SRGAP3: variants seen among roughly 807,000 people sequenced by gnomAD.
SRGAP3 encodes SLIT-ROBO Rho GTPase activating protein 3.
In SRGAP3, 39 loss-of-function variants were observed where a neutral mutation model predicts 121.1. The observed-to-expected ratio is 0.32, with a 90% CI of 0.25 to 0.42. SRGAP3 has a LOEUF of 0.42. Among genes scored for constraint, SRGAP3 ranks in the 10% least tolerant of loss-of-function variants. SRGAP3 has a pLI of 1.00. For synonymous variants in SRGAP3, 601 were observed against 570.0 expected (o/e 1.05, Z -0.77); for missense variants, 1,213 against 1,470.6 (o/e 0.82, Z 2.86).
chr3:9,177,538 C>T (rs1480165564), intron 1 of SRGAP3, among the ~76,000 whole-genome samples: 2 of 152,022 alleles, frequency 1.3e-5, no homozygotes, highest in East Asian at 1.9e-4. Flanking sequence ...GAAGGAGGTC[C>T]GTGGCTTTCA....
chr3:9,222,629 T>C (rs1228653215), intron 1 of SRGAP3, among the ~76,000 whole-genome samples: 1 of 152,244 alleles, frequency 6.6e-6, no homozygotes, highest in Non-Finnish European at 1.5e-5. Flanking sequence ...ATCTTCTTTT[T>C]AGCATCTTCT....
intron 1 of SRGAP3, among the ~76,000 whole-genome samples, chr3:9,184,189 T>C (rs1951523909): frequency 1.3e-5 from 2 of 152,138 alleles, no homozygotes; most frequent in Admixed American, 6.6e-5. Flanking sequence ...TTAATTAATA[T>C]TGGGCAAGGT....
intron 1 of SRGAP3, among the ~76,000 whole-genome samples, chr3:9,158,572 T>C (rs1268286618): frequency 6.6e-6 from 1 of 152,144 alleles, no homozygotes; most frequent in East Asian, 1.9e-4. Flanking sequence ...AGGTGGGAAA[T>C]TATCCCATAT....
At chr3:9,245,941 A>G (rs1270460546) in intron 1 of SRGAP3, among the ~76,000 whole-genome samples, 1 of 152,134 alleles carries the variant, frequency 6.6e-6, no homozygotes, top group Non-Finnish European at 1.5e-5. Flanking sequence ...AAAAGAAAAA[A>G]TGCTTACAAG....
chr3:9,362,543 G>A lies in SRGAP3; in HGVS notation n.214+297C>T, dbSNP rs147668378. 3.1e-3 allele frequency among the ~76,000 whole-genome samples: 477 copies of A among 152,030 alleles called. 6 individuals carry two copies. The highest frequency in any genetic ancestry group is 0.011 in the African/African-American group (464 of 41,538). ...GCCTGTAATCCCAGCACTTTAGGAG[G>A]GCTAGACAGAAGAATCACTTGAACC... On this transcript the variant is annotated intron_variant and non_coding_transcript_variant, in intron 1 of 3. Transcript: ENST00000490889.
At chr3:9,293,008 T>TG (rs1224240875) in intron 3 of SRGAP3, 4 of 135,890 alleles carry the variant, frequency 2.9e-5, no homozygotes, top group African/African-American at 8.5e-5. Context: ...ATTTAGCAGC[T>TG]GAAAAAAAAA....
At chr3:9,126,737 TAC>T (rs1439333737) in intron 1 of SRGAP3, among the ~76,000 whole-genome samples, 2 of 151,420 alleles carry the variant, frequency 1.3e-5, no homozygotes. Context: ...CACTTGGATG[TAC>T]AGTGTGGAAT....
At chr3:9,348,105 T>C (rs938484975) in intron 1 of SRGAP3, among the ~76,000 whole-genome samples, 1 of 152,200 alleles carries the variant, frequency 6.6e-6, no homozygotes, top group Non-Finnish European at 1.5e-5. Context: ...AGCACCAAAA[T>C]TGGGTTCACC....
At chr3:9,245,914 ACT>A (rs1193217962) in intron 1 of SRGAP3, among the ~76,000 whole-genome samples, 2 of 152,020 alleles carry the variant, frequency 1.3e-5, no homozygotes, top group East Asian at 3.9e-4. Flanking sequence ...ACACAGAGAG[ACT>A]CTGTCACAAA....
intron 3 of SRGAP3, among the ~76,000 whole-genome samples, chr3:9,260,076 A>G (rs1478792873): frequency 6.6e-6 from 1 of 151,986 alleles, no homozygotes; most frequent in Non-Finnish European, 1.5e-5. Flanking sequence ...TAGCCAAGGG[A>G]AGTCGTGAGG....
In SRGAP3 at chr3:9,334,978, C is replaced by T. The variant is rs144241111; in HGVS notation, n.215-4382G>A. On this transcript the variant is annotated intron_variant and non_coding_transcript_variant, in intron 1 of 3. Transcript: ENST00000490889. The stretch of plus-strand genomic sequence containing the variant: ...GCCAGGCTGGAAATGTACCTGCCTA[C>T]AGGGGCCAGGGAGGTAACAAAACTG... Among the ~76,000 whole-genome samples, 83 of 152,296 alleles carry T rather than the reference C, an allele frequency of 5.4e-4. 1 individual carries two copies. The highest frequency in any genetic ancestry group is 1.8e-3 in the African/African-American group (74 of 41,556).
intron 2 of SRGAP3, among the ~76,000 whole-genome samples, chr3:9,108,754 G>GGTGGGTGGA (rs1453949722): frequency 6.6e-6 from 1 of 152,198 alleles, no homozygotes; most frequent in African/African-American, 2.4e-5. Context: ...TGGGTAGGTG[G>GGTGGGTGGA]GTGGGTGGAT....
intron 3 of SRGAP3, among the ~76,000 whole-genome samples, chr3:9,101,808 C>T (rs1242862826): frequency 6.6e-6 from 1 of 152,196 alleles, no homozygotes; most frequent in African/African-American, 2.4e-5. Flanking sequence ...TAACGATGGC[C>T]TCCTGGATCT....
intron 2 of SRGAP3, among the ~76,000 whole-genome samples, chr3:9,121,421 C>G (rs546380582): frequency 1.3e-5 from 2 of 152,298 alleles, no homozygotes; most frequent in South Asian, 4.1e-4. Flanking sequence ...ATAGGCAGCC[C>G]GAGGCCAGTC....
chr3:9,350,062 G>A (rs1575027238), intron 1 of SRGAP3: 1 of 151,876 alleles, frequency 6.6e-6, no homozygotes, highest in South Asian at 2.1e-4. Flanking sequence ...CAATAAAGGA[G>A]TGATCTGTAA....
chr3:9,085,168 C>T (rs990913743), intron 3 of SRGAP3, among the ~76,000 whole-genome samples: 5 of 152,238 alleles, frequency 3.3e-5, no homozygotes, highest in Non-Finnish European at 7.3e-5. Context: ...AGGCAGACAG[C>T]CCTCAGCTGA....
At position 9,260,463 on chromosome 3, in the gene SRGAP3, G is replaced by T. The variant is rs1456367466; in HGVS notation, n.442+65547C>A. 2.0e-5 allele frequency among the ~76,000 whole-genome samples: 3 copies of T among 152,312 alleles called. No homozygotes were observed. The East Asian group carries it at 5.8e-4, about 29-fold the overall frequency. ...ACCTGCGATGCTGAGCTTGGTGTGG[G>T]GAGGGGCGTCCGCCATTAAGGAGGC... On this transcript the variant is annotated intron_variant and non_coding_transcript_variant, in intron 3 of 3. Transcript: ENST00000490889.
rs540935126 is a variant in SRGAP3, at chr3:9,000,501, C to G, written c.2228-5978G>C. Among the ~76,000 whole-genome samples the G allele has an allele frequency of 7.9e-5, 12 of 152,300 alleles. No homozygotes were observed. The South Asian group carries it at 2.5e-3, about 32-fold the overall frequency. On this transcript the variant is annotated intron_variant, in intron 18 of 21. Coordinates refer to ENST00000383836, the MANE Select transcript of SRGAP3 (RefSeq NM_014850.4). ...GAACCATCCCGTAAAACAGACAGAT[C>G]CTAATCTTATCCCAAAGGAATTGAC...
chr3:9,015,756 G>T, intron 14 of SRGAP3, 25 bp from the exon 15 acceptor site: 1 of 1,613,894 alleles, frequency 6.2e-7, no homozygotes, highest in Non-Finnish European at 8.5e-7. Context: ...GAGACGAGAT[G>T]ATATTTCAGC....
Sources: allele counts gnomAD v4.1 joint callset (sites outside exome capture counted in the v4.1 genomes callset), GRCh38; gene constraint gnomAD v4.1.1; transcripts MANE v1.5; gene names NCBI Gene and HGNC (gene_info 2026-07-23, HGNC 2026-07-21).